The following DAB1 variants were observed in gnomAD, a reference collection of about 807,000 sequenced individuals.
DAB1 encodes the protein DAB adaptor protein 1, also known as disabled homolog 1.
In DAB1, 15 loss-of-function variants were observed where a neutral mutation model predicts 64.6. The ratio of observed to expected loss-of-function variants is 0.23; its 90% CI spans 0.16 to 0.36. The LOEUF (loss-of-function observed/expected upper bound fraction) is 0.36, where lower values mean the gene tolerates loss of function less well. Among genes scored for constraint, DAB1 ranks in the 10% least tolerant of loss-of-function variants. The pLI is 1.00. For missense variants in DAB1, 596 were observed against 706.7 expected (o/e 0.84, Z 1.78); for synonymous variants, 235 against 251.9 (o/e 0.93, Z 0.64).
At chr1:57,969,887 A>T (rs923646908) in intron 5 of DAB1, among the ~76,000 whole-genome samples, 6 of 152,170 alleles carry the variant, frequency 3.9e-5, no homozygotes, top group African/African-American at 1.4e-4. Flanking sequence ...TGTCTCTCCA[A>T]CATTCATTAT....
At chr1:57,092,400 T>C (rs1354373097) in intron 4 of DAB1, among the ~76,000 whole-genome samples, 1 of 152,084 alleles carries the variant, frequency 6.6e-6, no homozygotes, top group Non-Finnish European at 1.5e-5. Context: ...GATTGGATCA[T>C]GGGGGTGGTT....
At chr1:58,491,869 T>TA (rs1176234612) in intron 3 of DAB1, among the ~76,000 whole-genome samples, 1 of 152,050 alleles carries the variant, frequency 6.6e-6, no homozygotes, top group Non-Finnish European at 1.5e-5. Context: ...GACAAAAAGT[T>TA]AACAAGGATA....
chr1:57,242,645 T>C (rs926056466), intron 2 of DAB1, among the ~76,000 whole-genome samples: 1 of 152,244 alleles, frequency 6.6e-6, no homozygotes, highest in Non-Finnish European at 1.5e-5. Flanking sequence ...CTTTACAATG[T>C]ATAGATTTTT....
At chr1:57,315,007 C>T (rs1414299193) in intron 1 of DAB1, among the ~76,000 whole-genome samples, 2 of 152,124 alleles carry the variant, frequency 1.3e-5, no homozygotes, top group African/African-American at 4.8e-5. Flanking sequence ...ACCAGAAATT[C>T]TATAATTTGT....
At chr1:57,672,757 CCCTTAA>C (rs771731863) in intron 6 of DAB1, among the ~76,000 whole-genome samples, 12 of 152,080 alleles carry the variant, frequency 7.9e-5, no homozygotes, top group Non-Finnish European at 1.5e-4. Flanking sequence ...ACTAAGCTTA[CCCTTAA>C]TATAGCACTT....
intron 5 of DAB1, among the ~76,000 whole-genome samples, chr1:58,065,708 C>T (rs866410033): frequency 1.3e-5 from 2 of 152,012 alleles, no homozygotes; most frequent in African/African-American, 4.8e-5. Flanking sequence ...TATTAGGATG[C>T]GTGGTGATTT....
At chr1:58,490,204 G>C (rs559361438) in intron 3 of DAB1, among the ~76,000 whole-genome samples, 7 of 152,182 alleles carry the variant, frequency 4.6e-5, no homozygotes, top group African/African-American at 7.2e-5. Flanking sequence ...AAAAAGATTA[G>C]ACGAATGACT....
chr1:58,005,316 A>G (rs1487654410), intron 5 of DAB1, among the ~76,000 whole-genome samples: 2 of 152,150 alleles, frequency 1.3e-5, no homozygotes, highest in South Asian at 4.1e-4. Context: ...ACAGAAATGC[A>G]TGAGTCTGCC....
intron 1 of DAB1, among the ~76,000 whole-genome samples, chr1:57,409,405 T>C (rs1231629211): frequency 6.6e-6 from 1 of 152,220 alleles, no homozygotes; most frequent in East Asian, 1.9e-4. Flanking sequence ...GTGTCTGAAG[T>C]CATGGTAGTG....
chr1:57,972,612 A>T (rs116226873), intron 5 of DAB1, among the ~76,000 whole-genome samples: 73 of 152,332 alleles, frequency 4.8e-4, no homozygotes, highest in African/African-American at 1.7e-3. Flanking sequence ...ATACTTTCAA[A>T]GGGTATAAGT....
In DAB1 at chr1:56,995,271, A is replaced by G. The variant is rs1473582457; in HGVS notation, c.*2873T>C. 1 of 152,188 alleles carries G rather than the reference A, an allele frequency of 6.6e-6. No homozygotes were observed. The highest frequency in any genetic ancestry group is 1.9e-4 in the East Asian group (1 of 5,188). The allele number at this position is 152,188 out of a possible 1,614,324, so 9.4% of individuals were successfully genotyped here. A position where few individuals can be genotyped will look rare whatever the true frequency, so the allele number is the denominator to read the frequency against. ...TAACAGTTGTACACATGGATTTTCT[A>G]TTGATCTAACCAGAACCGTGCAGAC... On this transcript the variant is annotated 3_prime_UTR_variant, in exon 15 of 15. Transcript: ENST00000371236.
At chr1:57,489,357 T>C (rs1373427047) in intron 7 of DAB1, among the ~76,000 whole-genome samples, 1 of 152,184 alleles carries the variant, frequency 6.6e-6, no homozygotes, top group Non-Finnish European at 1.5e-5. Context: ...TTGGTAGATA[T>C]TAGCTGTTGC....
rs181684572 is a variant in DAB1 at position 58,258,484 on chromosome 1, G to A, written n.309+84868C>T. Among the ~76,000 whole-genome samples, 8 of 152,296 alleles carry A rather than the reference G, an allele frequency of 5.3e-5. 1 individual carries two copies. The East Asian group carries it at 1.5e-3, about 29-fold the overall frequency. On this transcript the variant is annotated intron_variant and non_coding_transcript_variant, in intron 4 of 20. Coordinates refer to the DAB1 transcript ENST00000485760. ...AATTCCAGCTCTGCTGTAAATCACT[G>A]TGTGGCCTTGGACTGGGCAGTTACC...
chr1:57,071,228 A>G (rs1651428079), intron 6 of DAB1, 167 bp from the exon 7 acceptor site: 2 of 687,806 alleles, frequency 2.9e-6, no homozygotes. Context: ...CCTTAGAGCC[A>G]CTCCCACCTC....
At chr1:57,571,376 AT>A (rs1645192587) in intron 7 of DAB1, among the ~76,000 whole-genome samples, 1 of 152,136 alleles carries the variant, frequency 6.6e-6, no homozygotes, top group Non-Finnish European at 1.5e-5. Context: ...CTTACCACCC[AT>A]TTTACAGATG....
At chr1:58,463,138 G>A (rs1402177068) in intron 3 of DAB1, among the ~76,000 whole-genome samples, 3 of 152,220 alleles carry the variant, frequency 2.0e-5, no homozygotes, top group Non-Finnish European at 4.4e-5. Context: ...GAAATTAAAA[G>A]CTTTGTTCCT....
intron 4 of DAB1, among the ~76,000 whole-genome samples, chr1:58,228,361 C>T (rs1349337266): frequency 6.6e-6 from 1 of 151,994 alleles, no homozygotes; most frequent in Non-Finnish European, 1.5e-5. Flanking sequence ...ATTGTAATTG[C>T]TTTTTGGGGG....
intron 7 of DAB1, among the ~76,000 whole-genome samples, chr1:57,495,734 G>T (rs1431391090): frequency 6.6e-6 from 1 of 152,162 alleles, no homozygotes; most frequent in Non-Finnish European, 1.5e-5. Flanking sequence ...CTTAGTACTA[G>T]TGAGTCCATA....
chr1:57,036,831 T>G (rs1647172662), intron 9 of DAB1, among the ~76,000 whole-genome samples: 1 of 152,186 alleles, frequency 6.6e-6, no homozygotes, highest in South Asian at 2.1e-4. Context: ...AGGGAGTTTA[T>G]CTTCCTATAA....
Sources: allele counts gnomAD v4.1 joint callset (sites outside exome capture counted in the v4.1 genomes callset), GRCh38; gene constraint gnomAD v4.1.1; transcripts MANE v1.5; gene names NCBI Gene and HGNC (gene_info 2026-07-23, HGNC 2026-07-21).